Variants in CCDC102B observed in about 807,000 individuals in gnomAD.
CCDC102B encodes coiled-coil domain containing 102B.
CCDC102B carries 75 observed loss-of-function variants against 57.4 expected under a neutral mutation model. The observed-to-expected ratio is 1.31, with a 90% CI of 1.08 to 1.58. The LOEUF (loss-of-function observed/expected upper bound fraction) is 1.58. CCDC102B is among the 40% of genes most tolerant of loss of function. The pLI, the probability that CCDC102B is intolerant of heterozygous loss-of-function variation, is 0.00. For synonymous variants in CCDC102B, 206 were observed against 201.9 expected (o/e 1.02, Z -0.17); for missense variants, 636 against 582.6 (o/e 1.09, Z -0.94).
chr18:68,733,132 C>G (rs1205384778), intron 2 of CCDC102B, among the ~76,000 whole-genome samples: 1 of 151,972 alleles, frequency 6.6e-6, no homozygotes, highest in Non-Finnish European at 1.5e-5. Context: ...CCAAAGCCAA[C>G]CACATCAGCC....
intron 3 of CCDC102B, among the ~76,000 whole-genome samples, chr18:68,844,660 A>G (rs2037780105): frequency 6.6e-6 from 1 of 151,966 alleles, no homozygotes; most frequent in Admixed American, 6.6e-5. Flanking sequence ...GATATGCAAT[A>G]TATTTCACCA....
At chr18:68,738,158 AGGAGGTAGGACCGG>A (rs374249790) in intron 2 of CCDC102B, among the ~76,000 whole-genome samples, 284 of 152,214 alleles carry the variant, frequency 1.9e-3, no homozygotes, top group African/African-American at 6.5e-3. Flanking sequence ...ATGCTGTGGG[AGGAGGTAGGACCGG>A]GGTATTCCTT....
At chr18:68,929,342 T>C (rs932937973) in intron 6 of CCDC102B, among the ~76,000 whole-genome samples, 1 of 151,898 alleles carries the variant, frequency 6.6e-6, no homozygotes, top group Non-Finnish European at 1.5e-5. Flanking sequence ...AGAGATTTTA[T>C]AAAGTTTTCT....
chr18:68,725,080 G>T (rs907284622), intron 2 of CCDC102B, among the ~76,000 whole-genome samples: 1 of 152,178 alleles, frequency 6.6e-6, no homozygotes, highest in Non-Finnish European at 1.5e-5. Context: ...GAAGAGGGAA[G>T]CCCCTTATAC....
chr18:69,000,263 A>G (rs1224700525), intron 6 of CCDC102B, among the ~76,000 whole-genome samples: 1 of 152,190 alleles, frequency 6.6e-6, no homozygotes, highest in Non-Finnish European at 1.5e-5. Flanking sequence ...AAATGCATTT[A>G]CCATGCACAA....
intron 4 of CCDC102B, among the ~76,000 whole-genome samples, chr18:68,856,438 G>A (rs951219714): frequency 3.3e-5 from 5 of 152,074 alleles, no homozygotes; most frequent in Non-Finnish European, 7.4e-5. Context: ...CTACAGGCAT[G>A]TACCACCACA....
intron 7 of CCDC102B, among the ~76,000 whole-genome samples, chr18:69,020,068 T>C (rs1489441689): frequency 6.6e-6 from 1 of 152,136 alleles, no homozygotes; most frequent in Non-Finnish European, 1.5e-5. Context: ...TTACCCTTGA[T>C]TTGCTTTCTC....
At chr18:68,937,544 T>A (rs2049273823) in intron 6 of CCDC102B, among the ~76,000 whole-genome samples, 2 of 152,036 alleles carry the variant, frequency 1.3e-5, no homozygotes, top group South Asian at 4.1e-4. Flanking sequence ...TAATGAAGAT[T>A]GACTCCATTT....
intron 2 of CCDC102B, among the ~76,000 whole-genome samples, chr18:68,789,166 C>G (rs2035331941): frequency 6.6e-6 from 1 of 152,200 alleles, no homozygotes; most frequent in African/African-American, 2.4e-5. Flanking sequence ...CCCCCACTCT[C>G]TTCTGGCTTG....
intron 6 of CCDC102B, among the ~76,000 whole-genome samples, chr18:68,903,849 T>G (rs976736636): frequency 6.6e-6 from 1 of 152,186 alleles, no homozygotes; most frequent in East Asian, 1.9e-4. Flanking sequence ...CTTAGGAAAC[T>G]GATGAATTCA....
At chr18:68,737,490 A>ATG (rs927944733) in intron 2 of CCDC102B, among the ~76,000 whole-genome samples, 1 of 150,580 alleles carries the variant, frequency 6.6e-6, no homozygotes, top group Admixed American at 6.6e-5. Flanking sequence ...TGGTGTGTGT[A>ATG]TGTGTGTGTG....
chr18:68,871,588 T>G (rs1413837642), intron 4 of CCDC102B, among the ~76,000 whole-genome samples: 1 of 152,148 alleles, frequency 6.6e-6, no homozygotes, highest in African/African-American at 2.4e-5. Flanking sequence ...CCTGCTATAT[T>G]GTTTTAATGG....
At chr18:69,020,503 G>T (rs1025440493) in intron 7 of CCDC102B, among the ~76,000 whole-genome samples, 1 of 152,098 alleles carries the variant, frequency 6.6e-6, no homozygotes, top group African/African-American at 2.4e-5. Flanking sequence ...TAATACTCAA[G>T]TGCCATCTCC....
At chr18:68,857,902 A>G (rs2038553323) in intron 4 of CCDC102B, among the ~76,000 whole-genome samples, 1 of 152,108 alleles carries the variant, frequency 6.6e-6, no homozygotes, top group African/African-American at 2.4e-5. Context: ...GTATCGTTAC[A>G]CTCTGAAGTT....
At chr18:68,765,331 A>AAG (rs1491214276) in intron 2 of CCDC102B, among the ~76,000 whole-genome samples, 1 of 92,906 alleles carries the variant, frequency 1.1e-5, no homozygotes, top group East Asian at 3.7e-4. Context: ...GAAGGAAAGA[A>AAG]AGAAAGAAAG....
intron 6 of CCDC102B, among the ~76,000 whole-genome samples, chr18:68,938,038 T>C (rs2049290552): frequency 6.6e-6 from 1 of 152,062 alleles, no homozygotes; most frequent in South Asian, 2.1e-4. Flanking sequence ...TCCAAGTCTT[T>C]GCTGTTGTGA....
intron 5 of CCDC102B, among the ~76,000 whole-genome samples, chr18:68,887,783 A>C (rs762423333): frequency 1.3e-5 from 2 of 152,228 alleles, no homozygotes; most frequent in Non-Finnish European, 2.9e-5. Context: ...CATCAAAATC[A>C]ATACATATTT....
At chr18:68,998,491 A>C (rs1455525158) in intron 6 of CCDC102B, among the ~76,000 whole-genome samples, 3 of 149,432 alleles carry the variant, frequency 2.0e-5, no homozygotes, top group Non-Finnish European at 3.0e-5. Flanking sequence ...GGATAGATGC[A>C]TAGGAAAGAG....
intron 7 of CCDC102B, among the ~76,000 whole-genome samples, chr18:69,021,824 A>T (rs2051841503): frequency 6.6e-6 from 1 of 152,198 alleles, no homozygotes; most frequent in South Asian, 2.1e-4. Flanking sequence ...AAAAGTGAAC[A>T]CATGTCCAGC....
Sources: gnomAD v4.1 joint callset for allele counts (sites outside exome capture counted in the v4.1 genomes callset) on GRCh38, gnomAD v4.1.1 for gene constraint, MANE v1.5 for transcripts, NCBI Gene and HGNC (gene_info 2026-07-23, HGNC 2026-07-21) for gene names.